Variants in CEP95 observed in about 807,000 individuals in gnomAD.
CEP95 encodes the protein centrosomal protein of 95 kDa.
CEP95 carries 98 observed loss-of-function variants against 111.2 expected under a neutral mutation model. The ratio of observed to expected loss-of-function variants is 0.88; its 90% CI spans 0.75 to 1.04. The LOEUF is 1.04. CEP95 is among the 50% of genes least tolerant of loss of function. CEP95 has a pLI of 0.00. For synonymous variants in CEP95, 323 were observed against 327.1 expected (o/e 0.99, Z 0.14); for missense variants, 1,027 against 977.2 (o/e 1.05, Z -0.68).
intron 7 of CEP95, among the ~76,000 whole-genome samples, chr17:64,521,966 C>G (rs1489189314): frequency 6.6e-6 from 1 of 152,128 alleles, no homozygotes; most frequent in East Asian, 1.9e-4. Flanking sequence ...AAGCGATTCT[C>G]CTGCCTCAGC....
rs782268466 is a variant in CEP95 at position 64,532,050 on chromosome 17, G to A, written c.1672+28G>A. ...AAGAACCACAGAATTGTACTTTATG[G>A]AAAACTGGCAACCTTTGAAAGCATG... On this transcript the variant is annotated intron_variant, in intron 14 of 19. Transcript: ENST00000556440. 41 of 1,522,276 alleles carry A rather than the reference G, an allele frequency of 2.7e-5. No homozygotes were observed. In the Admixed American group the frequency reaches 9.5e-4, roughly 35 times the overall value. The allele number at this position is 1,522,276 out of a possible 1,614,324, so 94.3% of individuals were successfully genotyped here. A position where few individuals can be genotyped will look rare whatever the true frequency, so the allele number is the denominator to read the frequency against.
At chr17:64,536,812 A>G in intron 18 of CEP95, 64 bp downstream of exon 18, 1 of 1,524,874 alleles carries the variant, frequency 6.6e-7, no homozygotes, top group Admixed American at 2.2e-5. Context: ...TTGTGGCAAA[A>G]CTTGCTTAGT....
rs368647678 is a variant in CEP95, at chr17:64,510,243, C to T, written c.219C>T (p.Ala73=). The T allele has an allele frequency of 6.2e-7, 1 of 1,610,884 alleles. No homozygotes were observed. The highest frequency in any genetic ancestry group is 8.5e-7 in the Non-Finnish European group (1 of 1,178,014). Residue 73 remains alanine, a synonymous_variant, in exon 3 of 20, where the codon GCC becomes GCT. Coordinates refer to ENST00000556440, the MANE Select transcript of CEP95 (RefSeq NM_138363.3). ...HNVQAVIDSL[A]LDYLQVSLSH... is the part of the protein sequence containing the mutation. ...TACAAGCAGTAATTGATTCACTGGC[C>T]TTGGACTACTTGCAGGTCAGCTTGT...
intron 3 of CEP95, among the ~76,000 whole-genome samples, chr17:64,513,681 A>G (rs782370191): frequency 1.3e-5 from 2 of 152,190 alleles, no homozygotes; most frequent in African/African-American, 2.4e-5. Flanking sequence ...GGTATGATCT[A>G]TACAAAATGA....
At chr17:64,511,894 C>A (rs903243539) in intron 3 of CEP95, among the ~76,000 whole-genome samples, 1 of 152,222 alleles carries the variant, frequency 6.6e-6, no homozygotes, top group Non-Finnish European at 1.5e-5. Context: ...TGGCTTCAGC[C>A]GGTCCCTCTG....
At chr17:64,531,230 G>T (rs1968257313) in intron 13 of CEP95, 1 of 378,276 alleles carries the variant, frequency 2.6e-6, no homozygotes, top group Non-Finnish European at 4.7e-6. Flanking sequence ...AAGAAAAGTA[G>T]TGTTTTTCCG....
chr17:64,528,859 T>C (rs1422384412), intron 11 of CEP95, among the ~76,000 whole-genome samples: 1 of 152,252 alleles, frequency 6.6e-6, no homozygotes, highest in Non-Finnish European at 1.5e-5. Context: ...ACTTAGACAA[T>C]GCTTAACACA....
chr17:64,528,019 T>C (rs1220041063), intron 11 of CEP95, among the ~76,000 whole-genome samples: 3 of 152,036 alleles, frequency 2.0e-5, no homozygotes, highest in African/African-American at 7.2e-5. Context: ...TTCTGTGATA[T>C]CTCCATCTAG....
intron 3 of CEP95, among the ~76,000 whole-genome samples, chr17:64,512,589 G>A (rs139654657): frequency 1.4e-4 from 21 of 152,228 alleles, no homozygotes; most frequent in African/African-American, 5.1e-4. Flanking sequence ...CACAAAAAGA[G>A]GATTTATACT....
At chr17:64,519,077 C>T (rs550506995) in intron 5 of CEP95, among the ~76,000 whole-genome samples, 91 of 152,308 alleles carry the variant, frequency 6.0e-4, no homozygotes, top group African/African-American at 1.8e-3. Context: ...ATCCCACCCC[C>T]TTCACTCCCA....
Position 64,508,629 on chromosome 17 carries a change from T to C in CEP95, c.57T>C (p.Cys19=). 1 of 1,452,768 alleles carries C rather than the reference T, an allele frequency of 6.9e-7. No individual in the cohort carries two copies. Among genetic ancestry groups the C allele is most frequent in the South Asian group, 1.6e-5 (1 of 62,390 alleles). 90.0% of individuals were successfully genotyped at this position (1,452,768 alleles called of 1,614,324 possible). A position where few individuals can be genotyped will look rare whatever the true frequency, so the allele number is the denominator to read the frequency against. The change falls in exon 2 of 20, where the codon TGT becomes TGC. Residue 19 remains cysteine, a synonymous_variant. Coordinates refer to ENST00000556440, the MANE Select transcript of CEP95 (RefSeq NM_138363.3). ...TTGCCAATAACCTTCTTTTTAAGTG[T>C]CATATACATCTGAGAATACATGAAC... ...VTIANNLLFK[C]HIHLRIHELQ... is the part of the protein sequence containing the mutation.
chr17:64,522,986 G>A, intron 8 of CEP95, 91 bp downstream of exon 8: 5 of 910,830 alleles, frequency 5.5e-6, no homozygotes, highest in South Asian at 3.4e-5. Context: ...GGCCGTGTGT[G>A]TGTATGTGTA....
At chr17:64,518,143 GT>G (rs1262011300) in intron 5 of CEP95, among the ~76,000 whole-genome samples, 5 of 152,140 alleles carry the variant, frequency 3.3e-5, no homozygotes, top group African/African-American at 1.2e-4. Flanking sequence ...TCCCAAAGTG[GT>G]GGGATTACAG....
intron 8 of CEP95, among the ~76,000 whole-genome samples, chr17:64,524,708 C>T (rs1045134034): frequency 3.9e-5 from 6 of 152,116 alleles, no homozygotes; most frequent in African/African-American, 1.2e-4. Flanking sequence ...TGCGGTGGCT[C>T]ACACCTGTAA....
chr17:64,519,127 T>G (rs957677797), intron 5 of CEP95, among the ~76,000 whole-genome samples, 194 bp from the exon 6 acceptor site: 5 of 152,226 alleles, frequency 3.3e-5, no homozygotes, highest in Admixed American at 3.3e-4. Flanking sequence ...TCCTATACAT[T>G]TAATCGTTGA....
At chr17:64,529,554 G>T in intron 12 of CEP95, 127 bp downstream of exon 12, 9 of 923,106 alleles carry the variant, frequency 9.7e-6, no homozygotes, top group Non-Finnish European at 1.5e-5. Context: ...CGGAGTGGAT[G>T]ATAGAGAGCT....
intron 18 of CEP95, 84 bp downstream of exon 18, chr17:64,536,832 A>G (rs1426012265): frequency 1.7e-5 from 25 of 1,460,802 alleles, no homozygotes; most frequent in Middle Eastern, 1.8e-4. Context: ...TCTGTTGACA[A>G]TAAACCTTGT....
intron 10 of CEP95, 142 bp downstream of exon 10, chr17:64,526,342 G>A: frequency 5.0e-6 from 4 of 799,830 alleles, no homozygotes; most frequent in South Asian, 4.9e-5. Flanking sequence ...AAGTCAAGCA[G>A]GTAGAACAGG....
chr17:64,532,689 A>T (rs1968362625), intron 14 of CEP95, 150 bp from the exon 15 acceptor site: 3 of 1,437,536 alleles, frequency 2.1e-6, no homozygotes, highest in African/African-American at 2.9e-5. Context: ...CTCCAATCAG[A>T]GGAGTAATGC....
Sources: gnomAD v4.1 joint callset for allele counts (sites outside exome capture counted in the v4.1 genomes callset) on GRCh38, gnomAD v4.1.1 for gene constraint, MANE v1.5 for transcripts, NCBI Gene and HGNC (gene_info 2026-07-23, HGNC 2026-07-21) for gene names.